The following SS18 variants were observed in gnomAD, a reference collection of about 807,000 sequenced individuals.
SS18 encodes the protein SS18 subunit of BAF chromatin remodeling complex.
In SS18, 28 loss-of-function variants were observed where a neutral mutation model predicts 72.5. The ratio of observed to expected loss-of-function variants is 0.39; its 90% CI spans 0.29 to 0.53. The LOEUF (loss-of-function observed/expected upper bound fraction) is 0.53, where lower values mean the gene tolerates loss of function less well. Among genes scored for constraint, SS18 ranks in the 20% least tolerant of loss-of-function variants. The probability of loss-of-function intolerance (pLI) is 0.76; values close to 1 mark genes in which losing one functional copy is unlikely to be tolerated. For missense variants in SS18, 518 were observed against 535.3 expected (o/e 0.97, Z 0.32); for synonymous variants, 172 against 164.2 (o/e 1.05, Z -0.37).
intron 3 of SS18, among the ~76,000 whole-genome samples, chr18:26,065,535 A>G (rs941352241): frequency 6.6e-6 from 1 of 152,044 alleles, no homozygotes; most frequent in Non-Finnish European, 1.5e-5. Flanking sequence ...TTAATTTGCA[A>G]TGGATCATGA....
At chr18:26,085,221 GA>G (rs2054596076) in intron 2 of SS18, among the ~76,000 whole-genome samples, 2 of 152,246 alleles carry the variant, frequency 1.3e-5, no homozygotes, top group African/African-American at 4.8e-5. Context: ...GCGTTAAGTA[GA>G]AACAGTTATC....
intron 6 of SS18, among the ~76,000 whole-genome samples, chr18:26,038,883 T>C (rs1168513395): frequency 6.6e-6 from 1 of 152,052 alleles, no homozygotes; most frequent in African/African-American, 2.4e-5. Flanking sequence ...ACATGCAGTA[T>C]CAAAAAATAC....
At chr18:26,090,786 G>T (rs577955202), upstream of SS18, 166 of 591,450 alleles carry the variant, frequency 2.8e-4, 3 homozygotes, top group South Asian at 3.2e-3. Context: ...AGCCCTGGCC[G>T]AACTTTCTTG....
Position 26,087,484 on chromosome 18 carries a change from T to A in SS18, c.146+17A>T, listed in dbSNP as rs780627887. On this transcript the variant is annotated intron_variant, in intron 2 of 10. Coordinates refer to ENST00000415083, the MANE Select transcript of SS18 (RefSeq NM_001007559.3). ...TACAAAAAACTGAATAAAAAAAAAGTTTCTTATCAATCTTACTGAGAACAC... is the reference window on the plus strand; with the variant it reads ...TACAAAAAACTGAATAAAAAAAAAGATTCTTATCAATCTTACTGAGAACAC... 1.0e-5 allele frequency: 15 copies of A among 1,486,662 alleles called. No homozygotes were observed. The Middle Eastern group carries it at 5.9e-4, about 58-fold the overall frequency. The allele number at this position is 1,486,662 out of a possible 1,614,324, so 92.1% of individuals were successfully genotyped here.
At position 26,090,542 on chromosome 18, in the gene SS18, G is replaced by T; in HGVS notation, c.28C>A (p.Gln10Lys). The change falls in exon 1 of 11, where the codon CAG (glutamine) becomes AAG (lysine). Residue 10 changes from glutamine (Q) to lysine (K), a missense_variant. Transcript: ENST00000415083. MSVAFAAPR[Q>K]RGKGEITPAA... ...GGAGTGATCTCCCCCTTGCCTCGCT[G>T]CCTCGGGGCCGCGAAAGCCACAGAC... 6.3e-7 allele frequency: 1 copy of T among 1,588,698 alleles called. No homozygotes were observed.
intron 9 of SS18, 89 bp from the exon 10 acceptor site, chr18:26,032,621 A>G (rs913576326): frequency 2.8e-6 from 4 of 1,415,614 alleles, no homozygotes; most frequent in Non-Finnish European, 3.8e-6. Context: ...ATGTTACTGT[A>G]TTTTTCTATC....
intron 4 of SS18, among the ~76,000 whole-genome samples, chr18:26,054,768 C>G (rs2053987204): frequency 6.8e-6 from 1 of 146,234 alleles, no homozygotes; most frequent in Non-Finnish European, 1.5e-5. Context: ...GAGACGGAGT[C>G]TCATTCTTGT....
At chr18:26,045,276 G>T (rs2053800873) in intron 5 of SS18, among the ~76,000 whole-genome samples, 1 of 152,088 alleles carries the variant, frequency 6.6e-6, no homozygotes, top group Admixed American at 6.5e-5. Context: ...TCCTTCCACA[G>T]AATAAAATCT....
rs145555489 is a variant in SS18, at chr18:26,057,704, C to G, written c.270G>C (p.Met90Ile). 18 of 1,614,056 alleles carry G rather than the reference C, an allele frequency of 1.1e-5. No homozygotes were observed. In the East Asian group the frequency reaches 3.8e-4, roughly 34 times the overall value. ...TQNMPMGPGG[M>I]NQSGPPPPPR... ...GAGGTGGGGGAGGGCCGCTCTGATT[C>G]ATCCCTCCAGGACCCATAGGCATAT... The change falls in exon 4 of 11, where the codon ATG (methionine) becomes ATC (isoleucine). Residue 90 changes from methionine to isoleucine, a missense_variant. Met to Ile is a conservative substitution (Grantham distance 10). Transcript: ENST00000415083.
intron 3 of SS18, among the ~76,000 whole-genome samples, chr18:26,072,755 C>T (rs146382943): frequency 0.015 from 2,144 of 139,756 alleles, 59 homozygotes; most frequent in African/African-American, 0.057. Flanking sequence ...CGAGATCACA[C>T]CACTGCACTC....
chr18:26,090,207 G>A (rs1321904152), intron 1 of SS18: 2 of 439,572 alleles, frequency 4.5e-6, no homozygotes, highest in Non-Finnish European at 8.0e-6. Context: ...CCGGGCGCAC[G>A]CGCCCCGCAG....
intron 3 of SS18, among the ~76,000 whole-genome samples, chr18:26,069,344 AG>A (rs2054272978): frequency 1.3e-5 from 2 of 152,006 alleles, no homozygotes; most frequent in South Asian, 4.1e-4. Flanking sequence ...CCACAGGAAC[AG>A]GAATTTTTTT....
chr18:26,090,528 C>T lies in SS18; in HGVS notation c.42G>A (p.Gly14=). Residue 14 remains glycine, a synonymous_variant, in exon 1 of 11, where the codon GGG becomes GGA. Coordinates refer to ENST00000415083, the MANE Select transcript of SS18 (RefSeq NM_001007559.3). ...TCTGAATCGCAGCGGGAGTGATCTC[C>T]CCCTTGCCTCGCTGCCTCGGGGCCG... ...AFAAPRQRGK[G]EITPAAIQKM... 1 of 1,587,490 alleles carries T rather than the reference C, an allele frequency of 6.3e-7. No individual in the cohort carries two copies.
intron 4 of SS18, 118 bp from the exon 5 acceptor site, chr18:26,052,963 G>A (rs183811410): frequency 2.3e-5 from 17 of 738,720 alleles, no homozygotes; most frequent in Non-Finnish European, 3.1e-5. Context: ...ATAATTAATC[G>A]ATAGCAAAGT....
Position 26,038,647 on chromosome 18 carries a change from T to C in SS18, c.788A>G (p.Gln263Arg), listed in dbSNP as rs367950926. 3 of 1,613,342 alleles carry C rather than the reference T, an allele frequency of 1.9e-6. No homozygotes were observed. In the East Asian group the frequency reaches 6.7e-5, roughly 36 times the overall value. ...GTAATAGTCTTCCTGGCCTGAGTAC[T>C]GCTGTGGTGGGCCTGAAAAACCACA... ...YRPPQQGPPQQYSGQEDYYGD... is the reference protein window; with the variant it reads ...YRPPQQGPPQRYSGQEDYYGD... The change falls in exon 7 of 11, where the codon CAG becomes CGG. Residue 263 changes from glutamine (Q) to arginine (R), a missense_variant. Coordinates refer to ENST00000415083, the MANE Select transcript of SS18 (RefSeq NM_001007559.3).
rs1363010980 is a variant in SS18, at chr18:26,041,509, T to C, written c.608-2053A>G. ...CAACAAAAAAGTTCCAAAACACTAG[T>C]TTAATAGCAGTTATAATTTTCAAAT... On this transcript the variant is annotated intron_variant, in intron 5 of 10. Transcript: ENST00000415083. 3.3e-5 allele frequency among the ~76,000 whole-genome samples: 5 copies of C among 152,260 alleles called. No homozygotes were observed. The South Asian group carries it at 8.3e-4, about 25-fold the overall frequency.
intron 2 of SS18, among the ~76,000 whole-genome samples, chr18:26,082,795 T>C (rs2054549540): frequency 6.6e-6 from 1 of 152,192 alleles, no homozygotes; most frequent in Non-Finnish European, 1.5e-5. Flanking sequence ...GTAGTAAGAA[T>C]ATGGTATTCA....
chr18:26,035,895 C>G lies in SS18; in HGVS notation c.909G>C (p.Pro303=). The G allele has an allele frequency of 6.2e-7, 1 of 1,601,186 alleles. No homozygotes were observed. Among genetic ancestry groups the G allele is most frequent in the Non-Finnish European group, 8.5e-7 (1 of 1,172,436 alleles). The part of the protein sequence containing the change: ...DGHNDYGYQQ[P]SYPEQGYDRP... ...TATCGTAGCCTTGTTCAGGATACGA[C>G]GGTTGCTGATAACCGTAATCATTAT... Residue 303 remains proline (P), a synonymous_variant, in exon 8 of 11, where the codon CCG becomes CCC. Coordinates refer to ENST00000415083, the MANE Select transcript of SS18 (RefSeq NM_001007559.3). The surrounding 1 kb of genome is among the most constrained non-coding windows in gnomAD (Gnocchi z 4.4).
intron 10 of SS18, among the ~76,000 whole-genome samples, chr18:26,020,033 A>G (rs1434180721): frequency 6.6e-6 from 1 of 152,184 alleles, no homozygotes; most frequent in East Asian, 1.9e-4. Flanking sequence ...GGGGTTCACT[A>G]TATTACTCTC....
Sources: gnomAD v4.1 joint callset for allele counts (sites outside exome capture counted in the v4.1 genomes callset) on GRCh38, gnomAD v4.1.1 for gene constraint, Gnocchi (gnomAD v3.1) non-coding constraint, MANE v1.5 for transcripts, NCBI Gene and HGNC (gene_info 2026-07-23, HGNC 2026-07-21) for gene names.